FGD2: variants seen among roughly 807,000 people sequenced by gnomAD.
The protein encoded by FGD2 is FYVE, RhoGEF and PH domain containing 2, also known as FYVE, RhoGEF and PH domain-containing protein 2.
In FGD2, 52 loss-of-function variants were observed where a neutral mutation model predicts 75.9. That is an observed-to-expected ratio of 0.69 (90% CI 0.55 to 0.86). The LOEUF (loss-of-function observed/expected upper bound fraction) is 0.86, where lower values mean the gene tolerates loss of function less well. Among genes scored for constraint, FGD2 ranks in the 40% least tolerant of loss-of-function variants. FGD2 has a pLI of 0.00. For missense variants in FGD2, 790 were observed against 872.0 expected, an observed-to-expected ratio of 0.91 and a Z score of 1.18; for synonymous variants, 347 against 348.6, an observed-to-expected ratio of 1.00 and a Z score of 0.05.
At chr6:37,020,873 G>A (rs1196494256) in intron 11 of FGD2, 134 bp downstream of exon 11, 8 of 1,143,432 alleles carry the variant, frequency 7.0e-6, no homozygotes, top group Non-Finnish European at 9.9e-6. Flanking sequence ...AGGGGAGGGA[G>A]TGGTGTATGT....
At chr6:37,022,450 C>T in intron 13 of FGD2, 80 bp downstream of exon 13, 1 of 1,477,668 alleles carries the variant, frequency 6.8e-7, no homozygotes, top group Non-Finnish European at 8.9e-7. Context: ...TCCACCTTTC[C>T]TACCTAGGCC....
chr6:37,011,662 G>A, intron 3 of FGD2, 44 bp from the exon 4 acceptor site: 1 of 1,612,476 alleles, frequency 6.2e-7, no homozygotes, highest in Non-Finnish European at 8.5e-7. Context: ...ATGTGTGGGT[G>A]GCTCCCTGTC....
intron 7 of FGD2, 23 bp from the exon 8 acceptor site, chr6:37,014,869 G>A (rs1765201385): frequency 4.3e-6 from 7 of 1,612,196 alleles, no homozygotes; most frequent in Non-Finnish European, 5.9e-6. Flanking sequence ...AGACTTGGCT[G>A]AGGATGCACC....
intron 6 of FGD2, chr6:37,014,431 A>C (rs866861604): frequency 3.1e-6 from 2 of 636,902 alleles, no homozygotes; most frequent in Middle Eastern, 4.2e-4. Context: ...CACCAAAGCC[A>C]AACACCTAAT....
At position 37,021,586 on chromosome 6, in the gene FGD2, A is replaced by G; in HGVS notation, c.1308A>G (p.Gly436=). 1 of 1,613,964 alleles carries G rather than the reference A, an allele frequency of 6.2e-7. No individual in the cohort carries two copies. The highest frequency in any genetic ancestry group is 1.1e-5 in the South Asian group (1 of 91,042). ...AGGCTGCGGCCCAGGGGCCTGAGGG[A>G]GACATCCAGGAGCAGGAGGTAAATG... ...TFKAAAQGPE[G]DIQEQELQSE... Residue 436 remains glycine, a synonymous_variant, in exon 12 of 16, where the codon GGA becomes GGG. Coordinates refer to ENST00000274963, the MANE Select transcript of FGD2 (RefSeq NM_173558.4).
rs1765930757 is a variant in FGD2 at position 37,028,361 on chromosome 6, C to T, written c.*198C>T. On this transcript the variant is annotated 3_prime_UTR_variant, in exon 16 of 16. Coordinates refer to ENST00000274963, the MANE Select transcript of FGD2 (RefSeq NM_173558.4). ...CATTCCTTTCTAGAAAGGGGACAAC[C>T]AAGTGTCTCAGTTTGCCTTGCGGGG... The T allele has an allele frequency of 5.4e-6, 3 of 553,142 alleles. No individual in the cohort carries two copies. Among genetic ancestry groups the T allele is most frequent in the Non-Finnish European group, 9.3e-6 (3 of 321,538 alleles). 34.3% of individuals were successfully genotyped at this position (553,142 alleles called of 1,614,324 possible).
At chr6:37,007,125 A>G (rs1764791085) in intron 1 of FGD2, among the ~76,000 whole-genome samples, 1 of 152,138 alleles carries the variant, frequency 6.6e-6, no homozygotes, top group African/African-American at 2.4e-5. Context: ...ATCCTACAGG[A>G]ACTGTAGAGG....
chr6:37,021,727 G>A, intron 12 of FGD2, 123 bp downstream of exon 12: 2 of 903,146 alleles, frequency 2.2e-6, no homozygotes, highest in Non-Finnish European at 3.3e-6. Flanking sequence ...GAGACTGAAG[G>A]GACCAGGGGA....
Position 37,014,887 on chromosome 6 carries a change from C to G in FGD2, c.883-5C>G, listed in dbSNP as rs199630936. The stretch of plus-strand genomic sequence containing the variant: ...CTTGGCTGAGGATGCACCCCAACCC[C>G]CTAGGAGCGGCTGCAGGACCTGTGG... On this transcript the variant is annotated splice_polypyrimidine_tract_variant and splice_region_variant and intron_variant, in intron 7 of 15. Coordinates refer to ENST00000274963, the MANE Select transcript of FGD2 (RefSeq NM_173558.4). 5.5e-4 allele frequency: 891 copies of G among 1,613,316 alleles called. 6 individuals carry two copies. In the African/African-American group the frequency reaches 9.8e-3, roughly 18 times the overall value.
At position 37,008,954 on chromosome 6, in the gene FGD2, T is replaced by G. The variant is rs1190381771; in HGVS notation, c.189T>G (p.Ser63=). The G allele has an allele frequency of 1.2e-6, 2 of 1,614,248 alleles. No individual in the cohort carries two copies. The highest frequency in any genetic ancestry group is 1.7e-6 in the Non-Finnish European group (2 of 1,180,036). Reference sequence around the variant, plus strand: ...CGAATGTCGGGGAGGCCGTGGGGTCTGAGCCCAGGACAGTCAGCAGGAGGT... The same window carrying G: ...CGAATGTCGGGGAGGCCGTGGGGTCGGAGCCCAGGACAGTCAGCAGGAGGT... The part of the protein sequence containing the change: ...EKTNVGEAVG[S]EPRTVSRRYL... Residue 63 remains serine (S), a synonymous_variant, in exon 2 of 16, where the codon TCT becomes TCG. Coordinates refer to ENST00000274963, the MANE Select transcript of FGD2 (RefSeq NM_173558.4).
chr6:37,006,413 A>C (rs981837525), intron 1 of FGD2, among the ~76,000 whole-genome samples: 4 of 152,082 alleles, frequency 2.6e-5, no homozygotes, highest in Non-Finnish European at 5.9e-5. Context: ...TTACTTATTT[A>C]ATTTAGTCAT....
chr6:37,013,182 G>A (rs772209321), intron 4 of FGD2: 15 of 159,598 alleles, frequency 9.4e-5, no homozygotes, highest in Non-Finnish European at 1.5e-4. Flanking sequence ...GGAGAAGTTC[G>A]TACCCCTCTG....
chr6:37,015,877 A>G lies in FGD2; in HGVS notation c.1122+17A>G, dbSNP rs928746628. Reference sequence around the variant, plus strand: ...GGGATGAAGGTAAGAGGCCCCCTAAACACCACTGGGCTCCACCTCAAGGGT... The same window carrying G: ...GGGATGAAGGTAAGAGGCCCCCTAAGCACCACTGGGCTCCACCTCAAGGGT... On this transcript the variant is annotated intron_variant, in intron 9 of 15. Transcript: ENST00000274963. The G allele has an allele frequency of 2.6e-6, 4 of 1,559,712 alleles. No individual in the cohort carries two copies. The South Asian group carries it at 4.7e-5, about 18-fold the overall frequency.
chr6:37,017,706 C>G (rs1180871535), intron 9 of FGD2, among the ~76,000 whole-genome samples: 4 of 152,176 alleles, frequency 2.6e-5, no homozygotes, highest in Non-Finnish European at 5.9e-5. Flanking sequence ...CACCCCTACC[C>G]CCTTCAGCCC....
rs1395708051 is a variant in FGD2, at chr6:37,009,003, C to T, written c.238C>T (p.Leu80=). Residue 80 remains leucine, a synonymous_variant, in exon 2 of 16, where the codon CTG becomes TTG. Coordinates refer to ENST00000274963, the MANE Select transcript of FGD2 (RefSeq NM_173558.4). ...GTACCTGAACTCCCTGAAGAACAAG[C>T]TGTCCAGCGAAGCCTGGAGGAAATC... ...RRYLNSLKNK[L]SSEAWRKSCQ... 5 of 1,614,144 alleles carry T rather than the reference C, an allele frequency of 3.1e-6. No individual in the cohort carries two copies. Among genetic ancestry groups the T allele is most frequent in the Non-Finnish European group, 4.2e-6 (5 of 1,180,052 alleles).
rs1765138348 is a variant in FGD2, at chr6:37,013,749, T to C, written c.668T>C (p.Val223Ala). The C allele has an allele frequency of 6.2e-7, 1 of 1,613,904 alleles. No homozygotes were observed. Among genetic ancestry groups the C allele is most frequent in the Non-Finnish European group, 8.5e-7 (1 of 1,179,914 alleles). Residue 223 changes from valine (V) to alanine (A), a missense_variant, in exon 5 of 16, where the codon GTT (valine) becomes GCT (alanine). Physicochemically the swap from Val to Ala is moderately conservative, Grantham distance 64 (BLOSUM62 0). Coordinates refer to ENST00000274963, the MANE Select transcript of FGD2 (RefSeq NM_173558.4). ...GACAAGTCTCCACTCTTCCAGGAGGTTCTCACTCGCATCCAGGTGAGGCTG... is the reference window on the plus strand; with the variant it reads ...GACAAGTCTCCACTCTTCCAGGAGGCTCTCACTCGCATCCAGGTGAGGCTG... ...WTDKSPLFQE[V>A]LTRIQSSEAS...
At chr6:37,026,423 A>G in intron 14 of FGD2, 3 of 982,400 alleles carry the variant, frequency 3.1e-6, no homozygotes, top group South Asian at 9.4e-5. Context: ...TGACTTGCCC[A>G]AGATCACACA....
intron 13 of FGD2, 77 bp from the exon 14 acceptor site, chr6:37,025,715 C>G (rs949069357): frequency 3.2e-6 from 5 of 1,557,486 alleles, no homozygotes; most frequent in African/African-American, 2.7e-5. Context: ...CTCATGCCCC[C>G]ACCTGCCCAC....
chr6:37,016,121 G>A (rs867179555), intron 9 of FGD2, among the ~76,000 whole-genome samples: 1 of 152,140 alleles, frequency 6.6e-6, no homozygotes, highest in African/African-American at 2.4e-5. Flanking sequence ...TTTCCCTACT[G>A]TTTATACCAC....
Sources: gnomAD v4.1 joint callset for allele counts (sites outside exome capture counted in the v4.1 genomes callset) on GRCh38, gnomAD v4.1.1 for gene constraint, MANE v1.5 for transcripts, NCBI Gene and HGNC (gene_info 2026-07-23, HGNC 2026-07-21) for gene names.